NLGN4X: variants seen among roughly 807,000 people sequenced by gnomAD.
NLGN4X encodes the protein neuroligin 4 X-linked.
NLGN4X carries 3 observed loss-of-function variants against 40.3 expected under a neutral mutation model. The ratio of observed to expected loss-of-function variants is 0.07; its 90% CI spans 0.03 to 0.19. The LOEUF (loss-of-function observed/expected upper bound fraction) is 0.19. NLGN4X is among the 10% of genes least tolerant of loss of function. The pLI is 1.00. For missense variants in NLGN4X, 382 were observed against 708.3 expected (o/e 0.54, Z 5.23); for synonymous variants, 270 against 306.8 (o/e 0.88, Z 1.25).
Position 6,052,400 on chromosome X carries a change from G to A in NLGN4X, c.473-22968C>T, listed in dbSNP as rs144499508. On this transcript the variant is annotated intron_variant, in intron 2 of 5. Transcript: ENST00000381095. ...TTACTCATCTATTCTCTTTCTGACCGCACATCACCAGTTATGTAAGGAATC... is the reference window on the plus strand; with the variant it reads ...TTACTCATCTATTCTCTTTCTGACCACACATCACCAGTTATGTAAGGAATC... 5.1e-3 allele frequency among the ~76,000 whole-genome samples: 574 copies of A among 112,433 alleles called. 5 individuals are homozygous for A. Among genetic ancestry groups the A allele is most frequent in the African/African-American group, 0.018 (547 of 30,992 alleles).
At chrX:6,200,978 G>C (rs1923569614) in intron 1 of NLGN4X, among the ~76,000 whole-genome samples, 1 of 110,655 alleles carries the variant, frequency 9.0e-6, no homozygotes, top group Non-Finnish European at 1.9e-5. Flanking sequence ...TGGATTACAG[G>C]CATGAGCCAC....
chrX:6,042,685 TTATATATATATATATATATA>T (rs749649054), intron 2 of NLGN4X, among the ~76,000 whole-genome samples: 636 of 28,421 alleles, frequency 0.022, 36 homozygotes, highest in Non-Finnish European at 0.029. Context: ...CATAGAGGTT[TTATATATATATATATATATA>T]TATATATATA....
At chrX:6,003,391 G>T (rs2036020546) in intron 3 of NLGN4X, among the ~76,000 whole-genome samples, 1 of 112,457 alleles carries the variant, frequency 8.9e-6, no homozygotes. Flanking sequence ...CTTCACTATG[G>T]TGCCCAAGCA....
chrX:5,930,080 GAGA>G (rs941350856), intron 3 of NLGN4X, among the ~76,000 whole-genome samples: 11 of 111,657 alleles, frequency 9.9e-5, no homozygotes, highest in African/African-American at 3.3e-4. Context: ...GAAGGATGGG[GAGA>G]AGGTCAGAGA....
At chrX:6,176,101 C>T (rs956652577) in intron 1 of NLGN4X, among the ~76,000 whole-genome samples, 12 of 111,292 alleles carry the variant, frequency 1.1e-4, no homozygotes, top group African/African-American at 3.6e-4. Context: ...CCCAGGAACC[C>T]ACACTGCTGG....
At chrX:6,042,730 T>TATATACACAC (rs1215396694) in intron 2 of NLGN4X, among the ~76,000 whole-genome samples, 668 of 20,013 alleles carry the variant, frequency 0.033, 42 homozygotes, top group Non-Finnish European at 0.038. Context: ...TATATATATA[T>TATATACACAC]ACACACACAC....
At chrX:6,047,011 ATAAT>A (rs925130396) in intron 2 of NLGN4X, among the ~76,000 whole-genome samples, 2 of 108,959 alleles carry the variant, frequency 1.8e-5, no homozygotes, top group Non-Finnish European at 3.8e-5. Context: ...ATTTCAATAA[ATAAT>A]AGAATCATTT....
At chrX:5,924,416 G>A (rs772150614) in intron 3 of NLGN4X, among the ~76,000 whole-genome samples, 3 of 108,410 alleles carry the variant, frequency 2.8e-5, no homozygotes, top group Non-Finnish European at 3.8e-5. Flanking sequence ...ACTTCAAAAA[G>A]CACCTAACAT....
chrX:6,022,762 T>A (rs966278851), intron 3 of NLGN4X, among the ~76,000 whole-genome samples: 2 of 111,758 alleles, frequency 1.8e-5, no homozygotes, highest in African/African-American at 6.5e-5. Context: ...GTTGCAAGAA[T>A]GCTTCAGAGC....
intron 1 of NLGN4X, among the ~76,000 whole-genome samples, chrX:6,184,613 T>A (rs772913519): frequency 1.2e-4 from 13 of 110,598 alleles, no homozygotes; most frequent in African/African-American, 3.9e-4. Flanking sequence ...AAAAAAAAAA[T>A]TCATAAGACA....
chrX:5,987,176 CAT>C (rs2035552906), intron 3 of NLGN4X, among the ~76,000 whole-genome samples: 1 of 111,368 alleles, frequency 9.0e-6, no homozygotes, highest in South Asian at 3.8e-4. Context: ...CACAGCAACA[CAT>C]ATGAAATTTA....
At chrX:6,187,559 G>A (rs191390655) in intron 1 of NLGN4X, 10 of 112,531 alleles carry the variant, frequency 8.9e-5, no homozygotes, top group African/African-American at 2.9e-4. Context: ...AAGAAGGTGG[G>A]GCGAAGGTCC....
chrX:6,001,986 GA>G (rs932270653), intron 3 of NLGN4X, among the ~76,000 whole-genome samples: 2 of 111,566 alleles, frequency 1.8e-5, no homozygotes, highest in African/African-American at 6.5e-5. Flanking sequence ...ACACTTGAAA[GA>G]ACTAGTAGGA....
At chrX:5,979,004 A>G (rs2147056275) in intron 3 of NLGN4X, among the ~76,000 whole-genome samples, 1 of 111,097 alleles carries the variant, frequency 9.0e-6, no homozygotes. Context: ...ATACACATAT[A>G]CACACACACA....
chrX:6,041,806 T>C (rs2037165951), intron 2 of NLGN4X, among the ~76,000 whole-genome samples: 2 of 112,504 alleles, frequency 1.8e-5, no homozygotes. Flanking sequence ...ATGAATCATA[T>C]ATTTTTGGCT....
chrX:6,118,701 T>G (rs1210558891), intron 2 of NLGN4X, among the ~76,000 whole-genome samples: 2 of 111,585 alleles, frequency 1.8e-5, no homozygotes, highest in African/African-American at 6.5e-5. Flanking sequence ...CTCAGGGTGA[T>G]CTGATAAAAA....
chrX:6,124,394 G>T (rs1042705695), intron 2 of NLGN4X, among the ~76,000 whole-genome samples: 1 of 111,994 alleles, frequency 8.9e-6, no homozygotes, highest in Non-Finnish European at 1.9e-5. Context: ...TGTAATTGAG[G>T]ATATAGGCCA....
chrX:6,226,478 C>A (rs1305968647), intron 1 of NLGN4X, among the ~76,000 whole-genome samples: 17 of 111,372 alleles, frequency 1.5e-4, no homozygotes, highest in African/African-American at 5.5e-4. Context: ...CTCCCGCCCC[C>A]GCCGCTCCGG....
rs750732544 is a variant in NLGN4X, at chrX:5,971,164, G to A, written c.625+58116C>T. On this transcript the variant is annotated intron_variant, in intron 3 of 5. Transcript: ENST00000381095. ...TTGTAAGAACCCATTTGTCAGACCA[G>A]AGTTTCTCAGGAAAGGAATGTCACC... 1.1e-4 allele frequency among the ~76,000 whole-genome samples: 12 copies of A among 111,573 alleles called. No individual in the cohort carries two copies. The East Asian group carries it at 3.4e-3, about 31-fold the overall frequency.
Sources: allele counts gnomAD v4.1 joint callset (sites outside exome capture counted in the v4.1 genomes callset), GRCh38; gene constraint gnomAD v4.1.1; transcripts MANE v1.5; gene names NCBI Gene and HGNC (gene_info 2026-07-23, HGNC 2026-07-21).